The following SLC25A40 variants were observed in gnomAD, a reference collection of about 807,000 sequenced individuals.
The protein encoded by SLC25A40 is mitochondrial glutathione transporter SLC25A40.
Under a neutral mutation model 46.5 loss-of-function variants are expected in SLC25A40, and 41 were observed. The observed-to-expected ratio is 0.88, with a 90% CI of 0.69 to 1.14. SLC25A40 has a LOEUF of 1.14. Ranked by LOEUF, SLC25A40 falls within the 50% of genes most tolerant of loss-of-function variation. The pLI is 0.00. For missense variants in SLC25A40, 386 were observed against 393.6 expected (o/e 0.98, Z 0.16); for synonymous variants, 126 against 127.5 (o/e 0.99, Z 0.08).
At chr7:87,863,282 G>T (rs1474760342) in intron 1 of SLC25A40, among the ~76,000 whole-genome samples, 1 of 152,066 alleles carries the variant, frequency 6.6e-6, no homozygotes, top group Non-Finnish European at 1.5e-5. Context: ...TCATGAGAGG[G>T]ACCCAGTGAG....
At chr7:87,840,316 A>G (rs1838312791) in intron 10 of SLC25A40, among the ~76,000 whole-genome samples, 1 of 151,720 alleles carries the variant, frequency 6.6e-6, no homozygotes, top group African/African-American at 2.4e-5. Flanking sequence ...GTTCCACCTC[A>G]GATTCATTAA....
At chr7:87,863,253 T>A (rs753908224) in intron 1 of SLC25A40, among the ~76,000 whole-genome samples, 1 of 152,208 alleles carries the variant, frequency 6.6e-6, no homozygotes, top group African/African-American at 2.4e-5. Context: ...TAAATTGTAG[T>A]TCCCATAATC....
At chr7:87,861,598 G>A (rs1838699942) in intron 1 of SLC25A40, among the ~76,000 whole-genome samples, 1 of 152,002 alleles carries the variant, frequency 6.6e-6, no homozygotes, top group Non-Finnish European at 1.5e-5. Context: ...AAATATTTTA[G>A]TTCCTGAAAC....
chr7:87,855,161 C>CA (rs544710430), intron 4 of SLC25A40, among the ~76,000 whole-genome samples: 3,032 of 54,134 alleles, frequency 0.056, 60 homozygotes, highest in African/African-American at 0.065. Context: ...GACCCAGTCT[C>CA]AAAAAAAAAA....
chr7:87,848,918 T>A (rs1374808347), intron 6 of SLC25A40, among the ~76,000 whole-genome samples: 2 of 152,174 alleles, frequency 1.3e-5, no homozygotes, highest in Non-Finnish European at 2.9e-5. Flanking sequence ...ACCTTAAACA[T>A]TGTTTAAAAT....
chr7:87,872,412 T>C (rs771407704), intron 1 of SLC25A40, among the ~76,000 whole-genome samples: 1 of 151,510 alleles, frequency 6.6e-6, no homozygotes, highest in Non-Finnish European at 1.5e-5. Context: ...TGAAAAACAA[T>C]AGGAAAAAAC....
In SLC25A40 at chr7:87,841,699, T is replaced by G. The variant is rs200485109; in HGVS notation, c.757A>C (p.Thr253Pro). 1 of 1,528,382 alleles carries G rather than the reference T, an allele frequency of 6.5e-7. No individual in the cohort carries two copies. Among genetic ancestry groups the G allele is most frequent in the African/African-American group, 1.4e-5 (1 of 71,944 alleles). 94.7% of individuals were successfully genotyped at this position (1,528,382 alleles called of 1,614,324 possible). Residue 253 changes from threonine to proline, a missense_variant, in exon 10 of 12, where the codon ACT (threonine) becomes CCT (proline). Thr to Pro is a conservative substitution (Grantham distance 38). Coordinates refer to ENST00000341119, the MANE Select transcript of SLC25A40 (RefSeq NM_018843.4). ...ALSGSFAAVA[T>P]LPFDVVKTQK... ...GTTTTTACTACATCAAATGGTAAAG[T>G]TGCAACAGCAGCAAACTATCAGAAA...
In SLC25A40 at chr7:87,875,030, A is replaced by G. The variant is rs533675666; in HGVS notation, c.-94+1066T>C. 4.1e-4 allele frequency among the ~76,000 whole-genome samples: 63 copies of G among 152,290 alleles called. 2 individuals are homozygous for G. In the South Asian group the frequency reaches 0.013, roughly 32 times the overall value. ...GCTCTCTGTAGCTTATATTTTGAAA[A>G]TAAGTTTTTTCCCATAGAAATTACA... On this transcript the variant is annotated intron_variant, in intron 1 of 11. Coordinates refer to ENST00000341119, the MANE Select transcript of SLC25A40 (RefSeq NM_018843.4).
Position 87,835,093 on chromosome 7 carries a change from T to C in SLC25A40, c.*1156A>G, listed in dbSNP as rs73393822. On this transcript the variant is annotated 3_prime_UTR_variant, in exon 12 of 12. Transcript: ENST00000341119. ...TGCAATAAATTAGTGCTTTAAAAAA[T>C]ATATATATATAGGATATAGATCCTA... is the stretch of plus-strand genomic sequence containing the variant. 1.3e-5 allele frequency: 2 copies of C among 150,912 alleles called. No individual in the cohort carries two copies. The highest frequency in any genetic ancestry group is 3.0e-5 in the Non-Finnish European group (2 of 67,388). 9.3% of individuals were successfully genotyped at this position (150,912 alleles called of 1,614,324 possible).
chr7:87,863,018 T>C (rs1484209196), intron 1 of SLC25A40, among the ~76,000 whole-genome samples: 1 of 152,188 alleles, frequency 6.6e-6, no homozygotes, highest in Non-Finnish European at 1.5e-5. Context: ...AGCCAAACTG[T>C]ATCACCTTCC....
chr7:87,854,080 G>T (rs1838562306), intron 5 of SLC25A40, 124 bp downstream of exon 5: 1 of 670,388 alleles, frequency 1.5e-6, no homozygotes, highest in Middle Eastern at 2.9e-4. Context: ...AGGGTTAAAA[G>T]CAAAGAAGTA....
intron 7 of SLC25A40, 117 bp from the exon 8 acceptor site, chr7:87,847,239 G>T (rs1050582980): frequency 1.8e-5 from 14 of 765,876 alleles, no homozygotes; most frequent in Admixed American, 1.8e-4. Flanking sequence ...AGTCTATAAT[G>T]TCTGAAAACC....
intron 1 of SLC25A40, among the ~76,000 whole-genome samples, chr7:87,874,164 A>G (rs1363272521): frequency 6.6e-6 from 1 of 152,252 alleles, no homozygotes; most frequent in African/African-American, 2.4e-5. Context: ...TATTGCATAA[A>G]GCGGACTTCC....
chr7:87,858,700 T>A lies in SLC25A40; in HGVS notation c.28A>T (p.Ile10Phe). The A allele has an allele frequency of 6.2e-7, 1 of 1,612,822 alleles. No individual in the cohort carries two copies. Among genetic ancestry groups the A allele is most frequent in the Non-Finnish European group, 8.5e-7 (1 of 1,178,974 alleles). The change falls in exon 3 of 12, where the codon ATT becomes TTT. Residue 10 changes from isoleucine to phenylalanine, a missense_variant. Transcript: ENST00000341119. MDPETRGQE[I>F]IKVTPLQQML... ...TGTTGAAGAGGTGTCACTTTGATAATCTCTTGTCCCCTTGTCTCAGGATCC... is the reference window on the plus strand; with the variant it reads ...TGTTGAAGAGGTGTCACTTTGATAAACTCTTGTCCCCTTGTCTCAGGATCC...
At chr7:87,852,551 A>C (rs1371746293) in intron 5 of SLC25A40, among the ~76,000 whole-genome samples, 1 of 152,210 alleles carries the variant, frequency 6.6e-6, no homozygotes, top group Non-Finnish European at 1.5e-5. Flanking sequence ...CCTAGGTGAC[A>C]GAGCGAGGCC....
chr7:87,855,459 T>A (rs956053576), intron 4 of SLC25A40, among the ~76,000 whole-genome samples: 1 of 152,036 alleles, frequency 6.6e-6, no homozygotes, highest in African/African-American at 2.4e-5. Flanking sequence ...CAACTTTCTC[T>A]AATACCAACT....
intron 1 of SLC25A40, among the ~76,000 whole-genome samples, chr7:87,874,818 T>C (rs756841027): frequency 6.6e-6 from 1 of 152,230 alleles, no homozygotes; most frequent in Non-Finnish European, 1.5e-5. Context: ...TTCCAATGTT[T>C]GCAGTCTCTT....
At position 87,836,195 on chromosome 7, in the gene SLC25A40, A is replaced by G. The variant is rs937901560; in HGVS notation, c.*54T>C. 12 of 1,045,418 alleles carry G rather than the reference A, an allele frequency of 1.1e-5. No homozygotes were observed. In the African/African-American group the frequency reaches 1.8e-4, roughly 16 times the overall value. The allele number at this position is 1,045,418 out of a possible 1,614,324, so 64.8% of individuals were successfully genotyped here. Reference sequence around the variant, plus strand: ...ATAATGGTGAAAAACATTCTTGCCTAAGAGTCTCCATCTTCTTTGGCTATA... The same window carrying G: ...ATAATGGTGAAAAACATTCTTGCCTGAGAGTCTCCATCTTCTTTGGCTATA... On this transcript the variant is annotated 3_prime_UTR_variant, in exon 12 of 12. Coordinates refer to ENST00000341119, the MANE Select transcript of SLC25A40 (RefSeq NM_018843.4).
At chr7:87,858,175 T>C (rs1838643769) in intron 3 of SLC25A40, among the ~76,000 whole-genome samples, 1 of 152,242 alleles carries the variant, frequency 6.6e-6, no homozygotes, top group South Asian at 2.1e-4. Flanking sequence ...TTAAGATGTT[T>C]ATCAAGACAA....
Sources: gnomAD v4.1 joint callset for allele counts (sites outside exome capture counted in the v4.1 genomes callset) on GRCh38, gnomAD v4.1.1 for gene constraint, MANE v1.5 for transcripts, NCBI Gene and HGNC (gene_info 2026-07-23, HGNC 2026-07-21) for gene names.